TRPV4: variants seen among roughly 807,000 people sequenced by gnomAD.
The protein encoded by TRPV4 is OSM9-like transient receptor potential channel 4.
Under a neutral mutation model 84.1 loss-of-function variants are expected in TRPV4, and 58 were observed. The observed-to-expected ratio is 0.69, with a 90% CI of 0.56 to 0.86. The LOEUF (loss-of-function observed/expected upper bound fraction) is 0.86. Among genes scored for constraint, TRPV4 ranks in the 40% least tolerant of loss-of-function variants. The pLI, the probability that TRPV4 is intolerant of heterozygous loss-of-function variation, is 0.00. For missense variants in TRPV4, 879 were observed against 1,181.1 expected (o/e 0.74, Z 3.75); for synonymous variants, 489 against 500.9 (o/e 0.98, Z 0.32).
At chr12:109,812,844 T>C (rs1422785247) in intron 2 of TRPV4, among the ~76,000 whole-genome samples, 1 of 152,168 alleles carries the variant, frequency 6.6e-6, no homozygotes, top group Non-Finnish European at 1.5e-5. Context: ...TATGGGTGTA[T>C]GGCTGGACAG....
At chr12:109,810,685 C>T (rs1891467221) in intron 2 of TRPV4, among the ~76,000 whole-genome samples, 1 of 152,140 alleles carries the variant, frequency 6.6e-6, no homozygotes, top group African/African-American at 2.4e-5. Context: ...CTTAGGCAGC[C>T]CCCACTTTAC....
chr12:109,817,827 T>A (rs1891925659), intron 1 of TRPV4, among the ~76,000 whole-genome samples: 2 of 152,314 alleles, frequency 1.3e-5, no homozygotes, highest in South Asian at 4.1e-4. Context: ...ACATGTTTTG[T>A]TGTCACAACT....
Position 109,783,529 on chromosome 12 carries a change from G to T in TRPV4, c.*92C>A. On this transcript the variant is annotated 3_prime_UTR_variant, in exon 16 of 16. Coordinates refer to ENST00000261740, the MANE Select transcript of TRPV4 (RefSeq NM_021625.5). This position sits in a 1 kb window ranked among gnomAD's most constrained non-coding sequence, Gnocchi z 4.6. ...CTGGTCCCTCGCCTCTGGGGCCAAAGCAGGGTGTGGGGGGACACCCCAGAA... is the reference window on the plus strand; with the variant it reads ...CTGGTCCCTCGCCTCTGGGGCCAAATCAGGGTGTGGGGGGACACCCCAGAA... 1 of 1,512,068 alleles carries T rather than the reference G, an allele frequency of 6.6e-7. No homozygotes were observed. 93.7% of individuals were successfully genotyped at this position (1,512,068 alleles called of 1,614,324 possible). A position where few individuals can be genotyped will look rare whatever the true frequency, so the allele number is the denominator to read the frequency against.
rs373979504 is a variant in TRPV4 at position 109,814,401 on chromosome 12, C to T, written c.386+10G>A. 30 of 1,613,550 alleles carry T rather than the reference C, an allele frequency of 1.9e-5. No homozygotes were observed. The African/African-American group carries it at 3.6e-4, about 19-fold the overall frequency. ...AGGAGACCACAGGCCAGGAAGCTAA[C>T]AATACTCACTCTATGATCTTCTTCC... On this transcript the variant is annotated intron_variant, in intron 2 of 15. Transcript: ENST00000261740. This position sits in a 1 kb window ranked among gnomAD's most constrained non-coding sequence, Gnocchi z 5.4.
Position 109,796,632 on chromosome 12 carries a change from A to T in TRPV4, c.1225T>A (p.Trp409Arg). 1.9e-6 allele frequency: 3 copies of T among 1,614,212 alleles called. No homozygotes were observed. Among genetic ancestry groups the T allele is most frequent in the Non-Finnish European group, 2.5e-6 (3 of 1,180,036 alleles). Residue 409 changes from tryptophan (W) to arginine (R), a missense_variant, in exon 7 of 16, where the codon TGG becomes AGG. Physicochemically the swap from Trp to Arg is moderately radical, Grantham distance 101. This residue lies in a region of TRPV4 where 521 missense variants were observed against 686.6 expected (regional missense o/e 0.76). Transcript: ENST00000261740. This position sits in a 1 kb window ranked among gnomAD's most constrained non-coding sequence, Gnocchi z 4.2. Reference sequence around the variant, plus strand: ...GAGGAATACACTGGCCCATAGGCCCAGTCCTTGAACTTGCGGGACAGGTGC... The same window carrying T: ...GAGGAATACACTGGCCCATAGGCCCTGTCCTTGAACTTGCGGGACAGGTGC... ...TRHLSRKFKD[W>R]AYGPVYSSLY...
chr12:109,821,374 T>C (rs577320340), intron 1 of TRPV4, among the ~76,000 whole-genome samples: 2 of 152,350 alleles, frequency 1.3e-5, no homozygotes, highest in Admixed American at 6.5e-5. Context: ...TCCCTCCGCC[T>C]GGAATGCCCT....
chr12:109,819,721 C>A (rs1441867520), intron 1 of TRPV4, among the ~76,000 whole-genome samples: 1 of 152,144 alleles, frequency 6.6e-6, no homozygotes, highest in Non-Finnish European at 1.5e-5. Flanking sequence ...GCCACTACCA[C>A]TCAGCTAATT....
At chr12:109,822,431 G>A (rs777654907) in intron 1 of TRPV4, among the ~76,000 whole-genome samples, 1 of 152,160 alleles carries the variant, frequency 6.6e-6, no homozygotes, top group East Asian at 1.9e-4. Context: ...AAGGTACTAG[G>A]AAGACAAGGA....
rs994207247 is a variant in TRPV4 at position 109,798,521 on chromosome 12, G to A, written c.1152+93C>T. 9.3e-6 allele frequency: 14 copies of A among 1,500,660 alleles called. No homozygotes were observed. Among genetic ancestry groups the A allele is most frequent in the South Asian group, 2.3e-5 (2 of 86,360 alleles). The allele number at this position is 1,500,660 out of a possible 1,614,324, so 93.0% of individuals were successfully genotyped here. On this transcript the variant is annotated intron_variant, in intron 6 of 15. Coordinates refer to ENST00000261740, the MANE Select transcript of TRPV4 (RefSeq NM_021625.5). The surrounding 1 kb of genome is among the most constrained non-coding windows in gnomAD (Gnocchi z 5.0). ...TTGGCATGTTGGGAGGTGCATGCAC[G>A]TATTAATAATGAATACCAGCAGCAG...
intron 3 of TRPV4, among the ~76,000 whole-genome samples, chr12:109,805,753 C>A (rs73409821): frequency 0.1 from 15,284 of 152,150 alleles, 944 homozygotes; most frequent in South Asian, 0.17. Flanking sequence ...TATGCACATA[C>A]GCTAGCCTCT....
At chr12:109,795,829 C>G (rs1294376539) in intron 7 of TRPV4, among the ~76,000 whole-genome samples, 1 of 152,130 alleles carries the variant, frequency 6.6e-6, no homozygotes, top group Non-Finnish European at 1.5e-5. Context: ...CTCACTGAAG[C>G]CTCGACCTCC....
chr12:109,808,500 G>A, intron 2 of TRPV4, 32 bp from the exon 3 acceptor site: 3 of 1,598,990 alleles, frequency 1.9e-6, no homozygotes, highest in Non-Finnish European at 1.7e-6. Context: ...GTTGATGGGA[G>A]GGCTCATCCC....
At position 109,796,476 on chromosome 12, in the gene TRPV4, C is replaced by T; in HGVS notation, c.1332+49G>A. On this transcript the variant is annotated intron_variant, in intron 7 of 15. Transcript: ENST00000261740. This position sits in a 1 kb window ranked among gnomAD's most constrained non-coding sequence, Gnocchi z 4.2. The stretch of plus-strand genomic sequence containing the variant: ...AGCCCCAGGGCCCTGTCCCTACTCC[C>T]AGCCCTGCCCCTCCTTCCTCACACC... The T allele has an allele frequency of 6.2e-7, 1 of 1,607,982 alleles. No homozygotes were observed. Among genetic ancestry groups the T allele is most frequent in the African/African-American group, 1.3e-5 (1 of 74,894 alleles).
At chr12:109,790,114 G>T (rs1889937996) in intron 12 of TRPV4, among the ~76,000 whole-genome samples, 2 of 152,188 alleles carry the variant, frequency 1.3e-5, no homozygotes. Context: ...TCCCTGGGAA[G>T]GGAAAGCTGT....
Position 109,814,342 on chromosome 12 carries a change from G to A in TRPV4, c.386+69C>T. ...ACGGATGGGTGGATAATAGATAGAG[G>A]GGTGGATGATGAATGGGTGAATGGA... On this transcript the variant is annotated intron_variant, in intron 2 of 15. Transcript: ENST00000261740. This position sits in a 1 kb window ranked among gnomAD's most constrained non-coding sequence, Gnocchi z 5.4. The A allele has an allele frequency of 6.5e-7, 1 of 1,543,322 alleles. No homozygotes were observed. The highest frequency in any genetic ancestry group is 8.9e-7 in the Non-Finnish European group (1 of 1,129,418).
At chr12:109,820,954 G>A (rs1352327582) in intron 1 of TRPV4, among the ~76,000 whole-genome samples, 2 of 152,214 alleles carry the variant, frequency 1.3e-5, no homozygotes, top group Non-Finnish European at 2.9e-5. Flanking sequence ...TGAGAATCCC[G>A]GATTCAAAGG....
intron 2 of TRPV4, among the ~76,000 whole-genome samples, chr12:109,811,715 A>AGG (rs1891530686): frequency 6.6e-6 from 1 of 151,840 alleles, no homozygotes; most frequent in African/African-American, 2.4e-5. Flanking sequence ...GAATAAATAA[A>AGG]GGGGGCGGCT....
At chr12:109,820,516 A>ATTTTTTTTTTTTTTTTTTTTTTTTTTT (rs1166251387) in intron 1 of TRPV4, among the ~76,000 whole-genome samples, 1 of 92,388 alleles carries the variant, frequency 1.1e-5, no homozygotes, top group Non-Finnish European at 2.0e-5. Context: ...CAGCTGCCCT[A>ATTTTTTTTTTTTTTTTTTTTTTTTTTT]TTTTTTTTTT....
chr12:109,805,772 A>G (rs926704471), intron 3 of TRPV4, among the ~76,000 whole-genome samples: 3 of 152,190 alleles, frequency 2.0e-5, no homozygotes, highest in Admixed American at 2.0e-4. Context: ...CTGCAATTTC[A>G]GAGACCCACC....
Sources: gnomAD v4.1 joint callset for allele counts (sites outside exome capture counted in the v4.1 genomes callset) on GRCh38, gnomAD v4.1.1 for gene constraint, gnomAD v4.1.1 regional missense constraint, Gnocchi (gnomAD v3.1) non-coding constraint, MANE v1.5 for transcripts, NCBI Gene and HGNC (gene_info 2026-07-23, HGNC 2026-07-21) for gene names.